NAV1: variants seen among roughly 807,000 people sequenced by gnomAD.
The protein encoded by NAV1 is pore membrane and/or filament interacting like protein 3.
NAV1 carries 18 observed loss-of-function variants against 175.2 expected under a neutral mutation model. That is an observed-to-expected ratio of 0.10 (90% CI 0.07 to 0.15). NAV1 has a LOEUF of 0.15. NAV1 is among the 10% of genes least tolerant of loss of function. The pLI, the probability that NAV1 is intolerant of heterozygous loss-of-function variation, is 1.00. For synonymous variants in NAV1, 897 were observed against 978.7 expected, an observed-to-expected ratio of 0.92 and a Z score of 1.56; for missense variants, 1,731 against 2,436.6, an observed-to-expected ratio of 0.71 and a Z score of 6.10.
At chr1:201,783,669 T>C (rs753994968) in exon 7 of NAV1, 3 of 1,614,224 alleles carry the variant, frequency 1.9e-6, no homozygotes, top group Non-Finnish European at 1.7e-6. Context: ...GAGACCCGCA[T>C]GTACCCCAAA....
chr1:201,791,650 C>T (rs1023762933), intron 13 of NAV1: 15 of 152,252 alleles, frequency 9.9e-5, no homozygotes, highest in Admixed American at 3.9e-4. Flanking sequence ...CTCTGGGGAA[C>T]CCAGCTGTCA....
At chr1:201,730,265 G>C (rs988064309) in intron 3 of NAV1, among the ~76,000 whole-genome samples, 1 of 152,222 alleles carries the variant, frequency 6.6e-6, no homozygotes, top group African/African-American at 2.4e-5. Context: ...CTGTGAATTA[G>C]ACATTCTTCC....
At chr1:201,677,282 G>C (rs1670289146) in intron 1 of NAV1, among the ~76,000 whole-genome samples, 1 of 150,118 alleles carries the variant, frequency 6.7e-6, no homozygotes, top group East Asian at 1.9e-4. Flanking sequence ...ATTGCTGGCG[G>C]CTGGCATCCT....
At chr1:201,607,924 G>C (rs1667735533) in intron 2 of NAV1, among the ~76,000 whole-genome samples, 1 of 140,184 alleles carries the variant, frequency 7.1e-6, no homozygotes, top group Admixed American at 7.4e-5. Context: ...GTTATGAACA[G>C]TAAAAACCCT....
intron 3 of NAV1, among the ~76,000 whole-genome samples, chr1:201,746,670 G>A (rs1025967704): frequency 1.3e-5 from 2 of 152,128 alleles, no homozygotes; most frequent in South Asian, 2.1e-4. Flanking sequence ...GTGAGTGTGG[G>A]AAACTCATGG....
Position 201,770,125 on chromosome 1 carries a change from C to T in NAV1, c.1227-10296C>T, listed in dbSNP as rs186388826. Among the ~76,000 whole-genome samples the T allele has an allele frequency of 1.3e-4, 20 of 152,260 alleles. No individual in the cohort carries two copies. In the East Asian group the frequency reaches 3.3e-3, roughly 25 times the overall value. ...CTGGGCCTAAAATGTGGGGAGCAGA[C>T]GGTGTGAGAGAAGTCTGGGAGGGGT... On this transcript the variant is annotated intron_variant, in intron 3 of 29. Coordinates refer to ENST00000367296, the Ensembl canonical transcript of NAV1.
intron 3 of NAV1, among the ~76,000 whole-genome samples, chr1:201,764,234 G>T (rs1041605942): frequency 2.0e-5 from 3 of 152,202 alleles, no homozygotes; most frequent in Non-Finnish European, 2.9e-5. Flanking sequence ...GTAACTTAAT[G>T]GTTGTGGTAG....
chr1:201,806,706 T>C (rs953302619), intron 17 of NAV1, among the ~76,000 whole-genome samples: 1 of 152,230 alleles, frequency 6.6e-6, no homozygotes, highest in Non-Finnish European at 1.5e-5. Flanking sequence ...ATGAGCTTTA[T>C]GGTACTTTTG....
chr1:201,706,135 A>G (rs967153355), intron 1 of NAV1, among the ~76,000 whole-genome samples: 1 of 152,184 alleles, frequency 6.6e-6, no homozygotes, highest in African/African-American at 2.4e-5. Flanking sequence ...ACGATCATCA[A>G]CAAATGCTGG....
Position 201,822,191 on chromosome 1 carries a change from G to A in NAV1, c.*2259G>A, listed in dbSNP as rs114864360. ...TCAGCTGTAACATATGCAATTCTGTGGTGGGAAGAGGCTGTGTGTCCAAGG... is the reference window on the plus strand; with the variant it reads ...TCAGCTGTAACATATGCAATTCTGTAGTGGGAAGAGGCTGTGTGTCCAAGG... On this transcript the variant is annotated 3_prime_UTR_variant, in exon 30 of 30. Coordinates refer to ENST00000367296, the Ensembl canonical transcript of NAV1. 160 of 152,908 alleles carry A rather than the reference G, an allele frequency of 1.0e-3. 2 individuals are homozygous for A. The highest frequency in any genetic ancestry group is 3.6e-3 in the African/African-American group (150 of 41,556). 9.5% of individuals were successfully genotyped at this position (152,908 alleles called of 1,614,324 possible).
chr1:201,554,357 C>T (rs1038641654), intron 1 of NAV1, among the ~76,000 whole-genome samples: 1 of 152,140 alleles, frequency 6.6e-6, no homozygotes, highest in African/African-American at 2.4e-5. Flanking sequence ...GCAGGGACCA[C>T]GTCTGTTCTG....
chr1:201,611,202 G>T (rs1004799423), intron 2 of NAV1, among the ~76,000 whole-genome samples: 1 of 152,170 alleles, frequency 6.6e-6, no homozygotes, highest in Non-Finnish European at 1.5e-5. Context: ...CACAGACTGG[G>T]GTGATTGCAT....
chr1:201,702,672 T>TTCTCTCTC (rs756726434), intron 1 of NAV1, among the ~76,000 whole-genome samples: 1 of 1,728 alleles, frequency 5.8e-4, no homozygotes, highest in African/African-American at 7.5e-4. Flanking sequence ...GGTATGTGAA[T>TTCTCTCTC]TCTCTCTCTC....
At chr1:201,726,257 T>A (rs10920240) in intron 3 of NAV1, among the ~76,000 whole-genome samples, 1,571 of 152,316 alleles carry the variant, frequency 0.01, 12 homozygotes, top group Middle Eastern at 0.027. Flanking sequence ...GTTTGTTCAT[T>A]TGTAAAAAAG....
exon 30 of NAV1, chr1:201,826,590 G>A (rs953497423): frequency 1.3e-5 from 2 of 151,976 alleles, no homozygotes; most frequent in Non-Finnish European, 2.9e-5. Context: ...TTTTTTTTAA[G>A]TTATTGGGTG....
At chr1:201,574,612 C>A (rs1666640870) in intron 1 of NAV1, among the ~76,000 whole-genome samples, 1 of 152,188 alleles carries the variant, frequency 6.6e-6, no homozygotes, top group Non-Finnish European at 1.5e-5. Context: ...GGCTGCAGAA[C>A]CAGGCTTGGG....
At chr1:201,552,388 T>A (rs1397923279) in intron 1 of NAV1, among the ~76,000 whole-genome samples, 1 of 152,112 alleles carries the variant, frequency 6.6e-6, no homozygotes, top group African/African-American at 2.4e-5. Context: ...CTGAGGTGGG[T>A]AAAGGGAATG....
intron 3 of NAV1, among the ~76,000 whole-genome samples, chr1:201,728,304 G>T (rs1672694083): frequency 6.6e-6 from 1 of 151,940 alleles, no homozygotes; most frequent in Admixed American, 6.6e-5. Context: ...AAATTTTTCT[G>T]TAGAAGTCCA....
In NAV1 at chr1:201,794,593, A is replaced by T. The variant is rs1254883454; in HGVS notation, c.3517+16A>T. 1 of 1,598,978 alleles carries T rather than the reference A, an allele frequency of 6.3e-7. No homozygotes were observed. Among genetic ancestry groups the T allele is most frequent in the Admixed American group, 1.7e-5 (1 of 59,990 alleles). Reference sequence around the variant, plus strand: ...ACACCCAAAGGTAGGACATCCAGCCACAGATTGAGAGGGAACAGGGAGCAG... The same window carrying T: ...ACACCCAAAGGTAGGACATCCAGCCTCAGATTGAGAGGGAACAGGGAGCAG... On this transcript the variant is annotated intron_variant, in intron 15 of 29. Coordinates refer to ENST00000367296, the Ensembl canonical transcript of NAV1.
Sources: gnomAD v4.1 joint callset for allele counts (sites outside exome capture counted in the v4.1 genomes callset) on GRCh38, gnomAD v4.1.1 for gene constraint, MANE v1.5 for transcripts, NCBI Gene and HGNC (gene_info 2026-07-23, HGNC 2026-07-21) for gene names.